Variants in AGXT2 observed in about 807,000 individuals in gnomAD.
The protein encoded by AGXT2 is alanine--glyoxylate aminotransferase 2, mitochondrial.
In AGXT2, 61 loss-of-function variants were observed where a neutral mutation model predicts 62.5. That is an observed-to-expected ratio of 0.98 (90% CI 0.79 to 1.21). The LOEUF (loss-of-function observed/expected upper bound fraction) is 1.21, where lower values mean the gene tolerates loss of function less well. Ranked by LOEUF, AGXT2 falls within the 50% of genes most tolerant of loss-of-function variation. The pLI, the probability that AGXT2 is intolerant of heterozygous loss-of-function variation, is 0.00. For missense variants in AGXT2, 666 were observed against 641.5 expected, an observed-to-expected ratio of 1.04 and a Z score of -0.41; for synonymous variants, 243 against 218.7, an observed-to-expected ratio of 1.11 and a Z score of -0.98.
intron 5 of AGXT2, 70 bp downstream of exon 5, chr5:35,035,152 T>C (rs1182140744): frequency 6.8e-6 from 9 of 1,317,012 alleles, no homozygotes; most frequent in Non-Finnish European, 9.9e-6. Flanking sequence ...CATGCTACAA[T>C]GTAAAGCTAC....
chr5:35,001,673 T>A (rs574776232), intron 13 of AGXT2, among the ~76,000 whole-genome samples: 87 of 152,300 alleles, frequency 5.7e-4, no homozygotes, highest in African/African-American at 1.9e-3. Context: ...TACTCAAGCC[T>A]TTGCACCAGC....
intron 1 of AGXT2, among the ~76,000 whole-genome samples, chr5:35,044,048 C>G (rs1201629625): frequency 6.6e-6 from 1 of 152,172 alleles, no homozygotes; most frequent in Non-Finnish European, 1.5e-5. Context: ...TGAAAAAAAC[C>G]TTGTCACATT....
rs137970182 is a variant in AGXT2, at chr5:35,026,364, T to C, written c.870+46A>G. 867 of 1,479,070 alleles carry C rather than the reference T, an allele frequency of 5.9e-4. 8 individuals carry two copies. In the African/African-American group the frequency reaches 0.011, roughly 19 times the overall value. 91.6% of individuals were successfully genotyped at this position (1,479,070 alleles called of 1,614,324 possible). A position where few individuals can be genotyped will look rare whatever the true frequency, so the allele number is the denominator to read the frequency against. On this transcript the variant is annotated intron_variant, in intron 8 of 13. Transcript: ENST00000231420. ...GAATATATGAGTTAAAACTTTCTGA[T>C]AATTGAAGATTCAGCTCCATTAATG...
At chr5:35,006,717 T>G (rs184852804) in intron 12 of AGXT2, among the ~76,000 whole-genome samples, 2 of 152,096 alleles carry the variant, frequency 1.3e-5, no homozygotes, top group South Asian at 2.1e-4. Flanking sequence ...TATTTAAAAT[T>G]TTGAGAGCTG....
intron 9 of AGXT2, among the ~76,000 whole-genome samples, chr5:35,019,356 G>T (rs1398270853): frequency 6.7e-6 from 1 of 149,172 alleles, no homozygotes; most frequent in Admixed American, 6.7e-5. Flanking sequence ...TAAAAGAACA[G>T]AAATTATAAC....
chr5:35,017,309 C>A (rs771349428), intron 9 of AGXT2, among the ~76,000 whole-genome samples: 2 of 152,102 alleles, frequency 1.3e-5, no homozygotes, highest in African/African-American at 4.8e-5. Flanking sequence ...CCACCTTGGA[C>A]CTACATTCAC....
chr5:35,042,370 A>C (rs1173196950), intron 1 of AGXT2, among the ~76,000 whole-genome samples: 1 of 152,184 alleles, frequency 6.6e-6, no homozygotes, highest in Non-Finnish European at 1.5e-5. Context: ...GAGGAAAGAA[A>C]GAAGAAAGAG....
chr5:35,040,279 G>C (rs1187828176), intron 2 of AGXT2, among the ~76,000 whole-genome samples: 1 of 152,192 alleles, frequency 6.6e-6, no homozygotes, highest in Non-Finnish European at 1.5e-5. Context: ...TCACATTTGT[G>C]ATGTGTGTAT....
chr5:35,002,782 G>T (rs902391951), intron 13 of AGXT2, among the ~76,000 whole-genome samples: 1 of 152,002 alleles, frequency 6.6e-6, no homozygotes, highest in Non-Finnish European at 1.5e-5. Flanking sequence ...AGGCTGGGGG[G>T]GGGGACTAAC....
intron 10 of AGXT2, 132 bp from the exon 11 acceptor site, chr5:35,013,177 T>G: frequency 1.2e-6 from 1 of 802,894 alleles, no homozygotes. Flanking sequence ...ATTCAACTGA[T>G]AGTAGATGTT....
intron 7 of AGXT2, among the ~76,000 whole-genome samples, chr5:35,028,169 G>A (rs1254098565): frequency 1.3e-5 from 2 of 151,966 alleles, no homozygotes; most frequent in Admixed American, 6.6e-5. Context: ...CTGCAGTGCC[G>A]TAATGATCTA....
At chr5:35,027,380 TCTC>T (rs1303811517) in intron 7 of AGXT2, among the ~76,000 whole-genome samples, 14 of 152,160 alleles carry the variant, frequency 9.2e-5, no homozygotes, top group African/African-American at 3.4e-4. Flanking sequence ...ATTCATTACT[TCTC>T]CTTTTGGCTG....
In AGXT2 at chr5:35,040,570, C is replaced by G. The variant is rs1362534514; in HGVS notation, c.177+5G>C. The stretch of plus-strand genomic sequence containing the variant: ...TTTGAGTTTTCTTAAAGCCCTGAAT[C>G]TCACCTGGTATCTTTCAGGCATGAA... On this transcript the variant is annotated splice_donor_5th_base_variant and intron_variant, in intron 2 of 13. Transcript: ENST00000231420. 2 of 1,612,522 alleles carry G rather than the reference C, an allele frequency of 1.2e-6. No individual in the cohort carries two copies. The highest frequency in any genetic ancestry group is 1.7e-6 in the Non-Finnish European group (2 of 1,178,600).
In AGXT2 at chr5:35,041,188, T is replaced by G. The variant is rs186832214; in HGVS notation, c.89-525A>C. 3.5e-5 allele frequency among the ~76,000 whole-genome samples: 3 copies of G among 85,098 alleles called. No homozygotes were observed. In the East Asian group the frequency reaches 9.8e-4, roughly 28 times the overall value. 55.8% of individuals were successfully genotyped at this position (85,098 alleles called of 152,430 possible). A position where few individuals can be genotyped will look rare whatever the true frequency, so the allele number is the denominator to read the frequency against. ...ACAATATACTAGACTAATAAATACATGCAAATAGACCCAGAAGACAAAACC... is the reference window on the plus strand; with the variant it reads ...ACAATATACTAGACTAATAAATACAGGCAAATAGACCCAGAAGACAAAACC... On this transcript the variant is annotated intron_variant, in intron 1 of 13. Coordinates refer to ENST00000231420, the MANE Select transcript of AGXT2 (RefSeq NM_031900.4).
chr5:35,018,381 G>A (rs984773461), intron 9 of AGXT2, among the ~76,000 whole-genome samples: 1 of 152,192 alleles, frequency 6.6e-6, no homozygotes, highest in Non-Finnish European at 1.5e-5. Flanking sequence ...TCTATCGGCA[G>A]AAACTCTACA....
rs534816592 is a variant in AGXT2 at position 35,001,662 on chromosome 5, C to T, written c.1437+2101G>A. On this transcript the variant is annotated intron_variant, in intron 13 of 13. Coordinates refer to ENST00000231420, the MANE Select transcript of AGXT2 (RefSeq NM_031900.4). ...AAGGGCTTCATACCAGCTCCACTGA[C>T]TACTCAAGCCTTTGCACCAGCCACA... Among the ~76,000 whole-genome samples the T allele has an allele frequency of 1.1e-3, 165 of 152,280 alleles. 1 individual carries two copies. Among genetic ancestry groups the T allele is most frequent in the African/African-American group, 3.7e-3 (154 of 41,562 alleles).
At chr5:35,026,999 A>T (rs1767380187) in intron 7 of AGXT2, 1 of 985,448 alleles carries the variant, frequency 1.0e-6, no homozygotes, top group South Asian at 4.7e-5. Flanking sequence ...TTGTAGAACA[A>T]TTAGAATTCA....
At chr5:34,998,876 T>C in intron 13 of AGXT2, 50 bp from the exon 14 acceptor site, 1 of 1,351,310 alleles carries the variant, frequency 7.4e-7, no homozygotes, top group Non-Finnish European at 1.1e-6. Flanking sequence ...GAATCAAATA[T>C]GACTTTGAGG....
chr5:35,033,959 G>A (rs1767676051), intron 5 of AGXT2, among the ~76,000 whole-genome samples: 1 of 151,968 alleles, frequency 6.6e-6, no homozygotes, highest in Admixed American at 6.6e-5. Flanking sequence ...ATATCTTTAG[G>A]GACTTACACA....
Sources: gnomAD v4.1 joint callset for allele counts (sites outside exome capture counted in the v4.1 genomes callset) on GRCh38, gnomAD v4.1.1 for gene constraint, MANE v1.5 for transcripts, NCBI Gene and HGNC (gene_info 2026-07-23, HGNC 2026-07-21) for gene names.